Variants in NKAIN2 observed in about 807,000 individuals in gnomAD.
NKAIN2 encodes sodium/potassium transporting ATPase interacting 2.
NKAIN2 carries 14 observed loss-of-function variants against 32.6 expected under a neutral mutation model. The ratio of observed to expected loss-of-function variants is 0.43; its 90% CI spans 0.28 to 0.67. The LOEUF (loss-of-function observed/expected upper bound fraction) is 0.67, where lower values mean the gene tolerates loss of function less well. Ranked by LOEUF, NKAIN2 falls within the 30% of genes least tolerant of loss-of-function variation. The pLI, the probability that NKAIN2 is intolerant of heterozygous loss-of-function variation, is 0.17. For synonymous variants in NKAIN2, 80 were observed against 87.2 expected, an observed-to-expected ratio of 0.92 and a Z score of 0.46; for missense variants, 198 against 258.3, an observed-to-expected ratio of 0.77 and a Z score of 1.60.
chr6:124,380,390 G>T (rs931550064), intron 3 of NKAIN2, among the ~76,000 whole-genome samples: 5 of 152,154 alleles, frequency 3.3e-5, no homozygotes, highest in Non-Finnish European at 7.3e-5. Flanking sequence ...TTCACATGTA[G>T]ATGTGCCCAT....
chr6:124,495,325 A>G (rs1778022714), intron 3 of NKAIN2, among the ~76,000 whole-genome samples: 1 of 152,070 alleles, frequency 6.6e-6, no homozygotes, highest in Non-Finnish European at 1.5e-5. Context: ...TTGCTTCTAT[A>G]TATTTCTAAG....
intron 4 of NKAIN2, among the ~76,000 whole-genome samples, chr6:124,728,817 T>G (rs1162553266): frequency 3.3e-5 from 5 of 151,072 alleles, no homozygotes; most frequent in African/African-American, 4.9e-5. Flanking sequence ...CTAGCAAGAC[T>G]AATAAAGAAA....
At chr6:124,544,683 G>A (rs1177163519) in intron 3 of NKAIN2, among the ~76,000 whole-genome samples, 2 of 151,974 alleles carry the variant, frequency 1.3e-5, no homozygotes, top group Non-Finnish European at 2.9e-5. Context: ...AAAAGATGAT[G>A]TCTGATTAAA....
At chr6:124,602,439 T>G (rs1057009083) in intron 3 of NKAIN2, among the ~76,000 whole-genome samples, 2 of 151,994 alleles carry the variant, frequency 1.3e-5, no homozygotes, top group African/African-American at 4.8e-5. Flanking sequence ...AAAATAACTT[T>G]CCTTTATAAT....
Position 124,162,862 on chromosome 6 carries a change from A to G in NKAIN2, c.55-120143A>G, listed in dbSNP as rs541335220. Among the ~76,000 whole-genome samples, 6 of 152,172 alleles carry G rather than the reference A, an allele frequency of 3.9e-5. No homozygotes were observed. In the South Asian group the frequency reaches 1.2e-3, roughly 32 times the overall value. On this transcript the variant is annotated intron_variant, in intron 1 of 6. Coordinates refer to ENST00000368417, the MANE Select transcript of NKAIN2 (RefSeq NM_001040214.3). Reference sequence around the variant, plus strand: ...ATGTGTTCATCCTTTCCCATACATGAAGTCTTCTTAGGCAAAGTTCTAATG... The same window carrying G: ...ATGTGTTCATCCTTTCCCATACATGGAGTCTTCTTAGGCAAAGTTCTAATG...
chr6:124,190,531 T>A (rs1562412115), intron 1 of NKAIN2, among the ~76,000 whole-genome samples: 1 of 152,214 alleles, frequency 6.6e-6, no homozygotes. Flanking sequence ...TGGAAGGATG[T>A]GTTCTTTTAC....
At chr6:124,609,098 A>G (rs189599084) in intron 3 of NKAIN2, among the ~76,000 whole-genome samples, 1 of 152,262 alleles carries the variant, frequency 6.6e-6, no homozygotes, top group East Asian at 1.9e-4. Context: ...AGGAGATGTA[A>G]CAGGTGAGGC....
At chr6:124,454,847 G>A (rs907767955) in intron 3 of NKAIN2, among the ~76,000 whole-genome samples, 2 of 151,918 alleles carry the variant, frequency 1.3e-5, no homozygotes, top group African/African-American at 4.8e-5. Flanking sequence ...ATATCCCTTA[G>A]CATTGAAAAC....
chr6:124,713,825 T>C (rs958732866), intron 4 of NKAIN2, among the ~76,000 whole-genome samples: 1 of 152,182 alleles, frequency 6.6e-6, no homozygotes, highest in Admixed American at 6.5e-5. Flanking sequence ...CAAAATATAA[T>C]AGAAGTGATC....
chr6:123,962,682 G>A (rs1032185118), intron 1 of NKAIN2, among the ~76,000 whole-genome samples: 4 of 152,128 alleles, frequency 2.6e-5, no homozygotes, highest in African/African-American at 4.8e-5. Context: ...GCATGACTCA[G>A]CGGATTTGCA....
chr6:124,028,690 T>C (rs763430148), intron 1 of NKAIN2, among the ~76,000 whole-genome samples: 32 of 150,368 alleles, frequency 2.1e-4, no homozygotes, highest in Admixed American at 8.6e-4. Flanking sequence ...AGTTTGTTTA[T>C]ATACATGTAT....
intron 3 of NKAIN2, among the ~76,000 whole-genome samples, chr6:124,375,426 CAT>C (rs1052672657): frequency 2.0e-4 from 29 of 146,908 alleles, no homozygotes; most frequent in African/African-American, 5.4e-4. Flanking sequence ...ATATAAATTA[CAT>C]ATATATATAA....
At chr6:124,053,567 GT>G (rs1378528250) in intron 1 of NKAIN2, among the ~76,000 whole-genome samples, 1 of 151,970 alleles carries the variant, frequency 6.6e-6, no homozygotes, top group East Asian at 1.9e-4. Context: ...AGGAGAGGCA[GT>G]TTTCTTATCT....
chr6:123,866,026 G>A (rs1310067011), intron 1 of NKAIN2, among the ~76,000 whole-genome samples: 1 of 152,160 alleles, frequency 6.6e-6, no homozygotes. Flanking sequence ...ACCCATGAAG[G>A]ATACCATAGG....
intron 1 of NKAIN2, among the ~76,000 whole-genome samples, chr6:124,119,130 G>C (rs1277245904): frequency 2.0e-5 from 3 of 151,984 alleles, no homozygotes; most frequent in Non-Finnish European, 4.4e-5. Context: ...ACCATGTAAG[G>C]GTACTATATG....
intron 1 of NKAIN2, among the ~76,000 whole-genome samples, chr6:124,132,619 G>A (rs905130116): frequency 1.3e-5 from 2 of 152,232 alleles, no homozygotes; most frequent in African/African-American, 4.8e-5. Flanking sequence ...CTGTCCATGT[G>A]AAAACTTCAC....
chr6:124,727,521 A>G (rs1224195402), intron 4 of NKAIN2, among the ~76,000 whole-genome samples: 1 of 151,538 alleles, frequency 6.6e-6, no homozygotes, highest in African/African-American at 2.4e-5. Context: ...AGATTTTGTC[A>G]CCACCAGGCC....
intron 1 of NKAIN2, among the ~76,000 whole-genome samples, chr6:124,107,344 A>G (rs1041128194): frequency 6.6e-6 from 1 of 152,164 alleles, no homozygotes; most frequent in Admixed American, 6.5e-5. Flanking sequence ...ATTCTAGTTG[A>G]TAGGGTAGAA....
intron 4 of NKAIN2, among the ~76,000 whole-genome samples, chr6:124,724,237 G>A (rs1417355194): frequency 6.6e-6 from 1 of 151,810 alleles, no homozygotes; most frequent in African/African-American, 2.4e-5. Flanking sequence ...GTAATTTCCT[G>A]ACCAAAAGCA....
Sources: allele counts gnomAD v4.1 joint callset (sites outside exome capture counted in the v4.1 genomes callset), GRCh38; gene constraint gnomAD v4.1.1; transcripts MANE v1.5; gene names NCBI Gene and HGNC (gene_info 2026-07-23, HGNC 2026-07-21).